CHN2: variants seen among roughly 807,000 people sequenced by gnomAD.
CHN2 encodes the protein chimerin 2, also known as beta-chimaerin.
Under a neutral mutation model 56.3 loss-of-function variants are expected in CHN2, and 35 were observed. The ratio of observed to expected loss-of-function variants is 0.62; its 90% CI spans 0.47 to 0.82. CHN2 has a LOEUF of 0.82. Ranked by LOEUF, CHN2 falls within the 40% of genes least tolerant of loss-of-function variation. The pLI, the probability that CHN2 is intolerant of heterozygous loss-of-function variation, is 0.00. For synonymous variants in CHN2, 210 were observed against 212.8 expected, an observed-to-expected ratio of 0.99 and a Z score of 0.12; for missense variants, 491 against 580.5, an observed-to-expected ratio of 0.85 and a Z score of 1.58.
intron 1 of CHN2, among the ~76,000 whole-genome samples, chr7:29,275,218 A>G (rs1331893918): frequency 2.0e-5 from 3 of 152,220 alleles, no homozygotes; most frequent in Admixed American, 6.5e-5. Context: ...AAAATAGTGT[A>G]TAATATTTAA....
chr7:29,164,999 C>T (rs554122663), intron 2 of CHN2, among the ~76,000 whole-genome samples: 97 of 152,154 alleles, frequency 6.4e-4, no homozygotes, highest in African/African-American at 2.2e-3. Flanking sequence ...GTGAGTTCTA[C>T]AACTTTATTC....
chr7:29,500,175 ACT>A (rs1250071079), intron 9 of CHN2, 135 bp downstream of exon 9: 442 of 524,810 alleles, frequency 8.4e-4, no homozygotes, highest in South Asian at 1.9e-3. Flanking sequence ...GCACACACAC[ACT>A]CTCTCTCTCT....
chr7:29,494,783 A>C (rs1789059704), intron 7 of CHN2, among the ~76,000 whole-genome samples: 1 of 151,944 alleles, frequency 6.6e-6, no homozygotes, highest in South Asian at 2.1e-4. Context: ...CTTAGAAGAG[A>C]TCCAGATCCA....
At chr7:29,390,136 C>G (rs560422253) in intron 3 of CHN2, among the ~76,000 whole-genome samples, 1 of 151,924 alleles carries the variant, frequency 6.6e-6, no homozygotes, top group Non-Finnish European at 1.5e-5. Flanking sequence ...TGGGAAGGAC[C>G]CATTTCATGT....
intron 6 of CHN2, chr7:29,445,179 T>C (rs961075569): frequency 4.4e-6 from 2 of 455,818 alleles, no homozygotes; most frequent in African/African-American, 4.0e-5. Flanking sequence ...TAGACTAGTG[T>C]GGAGCCCAGA....
chr7:29,460,099 G>C (rs1785047642), intron 6 of CHN2, among the ~76,000 whole-genome samples: 1 of 152,162 alleles, frequency 6.6e-6, no homozygotes, highest in African/African-American at 2.4e-5. Context: ...TTGCTACCTG[G>C]CTTTCACCCC....
In CHN2 at chr7:29,194,926, C is replaced by A; in HGVS notation, c.-16C>A. Reference sequence around the variant, plus strand: ...CACCGGGGCTGAGCGAGCAGCGACGCGAGGGGCGCGCGGAGATGGCAGCGT... The same window carrying A: ...CACCGGGGCTGAGCGAGCAGCGACGAGAGGGGCGCGCGGAGATGGCAGCGT... On this transcript the variant is annotated 5_prime_UTR_variant, in exon 1 of 13. Coordinates refer to ENST00000222792, the MANE Select transcript of CHN2 (RefSeq NM_004067.4). 6.4e-7 allele frequency: 1 copy of A among 1,556,962 alleles called. No homozygotes were observed. The highest frequency in any genetic ancestry group is 8.6e-7 in the Non-Finnish European group (1 of 1,156,242).
At chr7:29,315,895 C>T (rs150892899) in intron 1 of CHN2, among the ~76,000 whole-genome samples, 1 of 152,088 alleles carries the variant, frequency 6.6e-6, no homozygotes, top group Non-Finnish European at 1.5e-5. Context: ...GAAATTTTAG[C>T]AAGGGTGGAC....
chr7:29,385,919 A>C lies in CHN2; in HGVS notation c.145-7760A>C, dbSNP rs150027931. On this transcript the variant is annotated intron_variant, in intron 3 of 12. Transcript: ENST00000222792. ...TGTAAGTTCACAGAATGTTTTGATC[A>C]GGTTGCTAAAGTATCCAACTTGTGT... 9.5e-3 allele frequency among the ~76,000 whole-genome samples: 1,441 copies of C among 152,316 alleles called. 28 individuals are homozygous for C. Among genetic ancestry groups the C allele is most frequent in the African/African-American group, 0.032 (1,330 of 41,560 alleles).
chr7:29,478,703 TA>T, intron 6 of CHN2, among the ~76,000 whole-genome samples: 1 of 152,198 alleles, frequency 6.6e-6, no homozygotes, highest in Non-Finnish European at 1.5e-5. Context: ...GAATCGGGAA[TA>T]AAAATCTTGC....
chr7:29,216,246 T>TG (rs1164210414), intron 1 of CHN2, among the ~76,000 whole-genome samples: 1 of 152,166 alleles, frequency 6.6e-6, no homozygotes, highest in Admixed American at 6.5e-5. Context: ...GCAGTATATC[T>TG]GGGAGGAAGG....
chr7:29,423,703 C>A (rs553167700), intron 6 of CHN2, among the ~76,000 whole-genome samples: 1 of 152,346 alleles, frequency 6.6e-6, no homozygotes, highest in African/African-American at 2.4e-5. Context: ...ATATCATAGT[C>A]TTTGTCAATT....
In CHN2 at chr7:29,194,778, G is replaced by C; in HGVS notation, c.-164G>C. 2 of 501,078 alleles carry C rather than the reference G, an allele frequency of 4.0e-6. No individual in the cohort carries two copies. The highest frequency in any genetic ancestry group is 6.5e-6 in the Non-Finnish European group (2 of 309,516). The allele number at this position is 501,078 out of a possible 1,614,324, so 31.0% of individuals were successfully genotyped here. A position where few individuals can be genotyped will look rare whatever the true frequency, so the allele number is the denominator to read the frequency against. On this transcript the variant is annotated 5_prime_UTR_variant, in exon 1 of 13. Transcript: ENST00000222792. ...CGGCGGCGGCAGCGCGTCATCTGGT[G>C]GAGCAGGAAGTGCAGGCAGAGTCCG...
chr7:29,395,670 C>T (rs545852549), intron 4 of CHN2, among the ~76,000 whole-genome samples: 33 of 152,186 alleles, frequency 2.2e-4, no homozygotes, highest in Non-Finnish European at 3.4e-4. Context: ...TTTTTTCTTA[C>T]CAAGTTGCAG....
intron 6 of CHN2, among the ~76,000 whole-genome samples, chr7:29,448,981 C>G (rs1159559068): frequency 6.6e-6 from 1 of 152,166 alleles, no homozygotes; most frequent in East Asian, 1.9e-4. Flanking sequence ...ATGGTGCTAC[C>G]TCGCCCTTCA....
At chr7:29,339,877 C>T (rs1280268980) in intron 1 of CHN2, among the ~76,000 whole-genome samples, 1 of 151,388 alleles carries the variant, frequency 6.6e-6, no homozygotes, top group African/African-American at 2.4e-5. Context: ...AATAACAATA[C>T]TGTATATAAT....
At chr7:29,369,114 T>C (rs1011836322) in intron 3 of CHN2, among the ~76,000 whole-genome samples, 1 of 152,176 alleles carries the variant, frequency 6.6e-6, no homozygotes, top group African/African-American at 2.4e-5. Flanking sequence ...AGAAAATAGG[T>C]AAATATAAAT....
upstream of CHN2, among the ~76,000 whole-genome samples, chr7:29,191,273 A>G (rs1782858283): frequency 6.6e-6 from 1 of 152,228 alleles, no homozygotes; most frequent in South Asian, 2.1e-4. Context: ...TACCAAAAGT[A>G]CCATTAAAAT....
chr7:29,349,972 A>G (rs1797753314), intron 1 of CHN2, among the ~76,000 whole-genome samples: 1 of 152,248 alleles, frequency 6.6e-6, no homozygotes, highest in South Asian at 2.1e-4. Flanking sequence ...GTGTGTGCAC[A>G]GATGGAATAT....
Sources: gnomAD v4.1 joint callset for allele counts (sites outside exome capture counted in the v4.1 genomes callset) on GRCh38, gnomAD v4.1.1 for gene constraint, MANE v1.5 for transcripts, NCBI Gene and HGNC (gene_info 2026-07-23, HGNC 2026-07-21) for gene names.